The following NFASC variants were observed in gnomAD, a reference collection of about 807,000 sequenced individuals.
NFASC encodes the protein neurofascin homolog.
In NFASC, 43 loss-of-function variants were observed where a neutral mutation model predicts 147.5. The observed-to-expected ratio is 0.29, with a 90% CI of 0.23 to 0.38. The LOEUF (loss-of-function observed/expected upper bound fraction) is 0.38. Among genes scored for constraint, NFASC ranks in the 10% least tolerant of loss-of-function variants. The probability of loss-of-function intolerance (pLI) is 1.00; values close to 1 mark genes in which losing one functional copy is unlikely to be tolerated. For missense variants in NFASC, 1,320 were observed against 1,689.0 expected (o/e 0.78, Z 3.83); for synonymous variants, 622 against 665.5 (o/e 0.93, Z 1.01).
intron 1 of NFASC, among the ~76,000 whole-genome samples, chr1:204,902,414 G>A (rs1218674345): frequency 2.0e-5 from 3 of 152,166 alleles, no homozygotes; most frequent in Non-Finnish European, 2.9e-5. Flanking sequence ...AAAATAAAAA[G>A]ACATTTATGA....
Position 204,954,482 on chromosome 1 carries a change from G to A in NFASC, c.412+98G>A. ...TCCAGAAGGGCTGCCCCTGCCCTTG[G>A]CCTGCAGTTGCCTTGGTGTTCTCTA... On this transcript the variant is annotated intron_variant, in intron 6 of 29. Transcript: ENST00000339876. This position sits in a 1 kb window ranked among gnomAD's most constrained non-coding sequence, Gnocchi z 5.7. The A allele has an allele frequency of 9.1e-7, 1 of 1,101,088 alleles. No individual in the cohort carries two copies. Among genetic ancestry groups the A allele is most frequent in the Non-Finnish European group, 1.3e-6 (1 of 770,556 alleles). 68.2% of individuals were successfully genotyped at this position (1,101,088 alleles called of 1,614,324 possible). A position where few individuals can be genotyped will look rare whatever the true frequency, so the allele number is the denominator to read the frequency against.
chr1:204,955,991 G>A (rs1315784102), intron 7 of NFASC, among the ~76,000 whole-genome samples: 1 of 152,172 alleles, frequency 6.6e-6, no homozygotes, highest in Non-Finnish European at 1.5e-5. Context: ...TTATGGGGAA[G>A]GCTGCCTGGC....
chr1:204,999,621 C>T (rs541060014), intron 25 of NFASC: 1 of 152,278 alleles, frequency 6.6e-6, no homozygotes, highest in South Asian at 2.1e-4. Context: ...CTACCTTCTC[C>T]CCTCCCCACG....
intron 1 of NFASC, among the ~76,000 whole-genome samples, chr1:204,919,805 C>G (rs1209648570): frequency 1.3e-5 from 2 of 151,902 alleles, no homozygotes; most frequent in African/African-American, 4.8e-5. Flanking sequence ...TTTTAGTAGA[C>G]ACAGGGTTTC....
At chr1:205,007,796 G>A (rs530401581) in intron 27 of NFASC, among the ~76,000 whole-genome samples, 16 of 152,256 alleles carry the variant, frequency 1.1e-4, no homozygotes, top group African/African-American at 3.4e-4. Flanking sequence ...AGATGGCCAG[G>A]GCCTGCTCTG....
Position 204,987,239 on chromosome 1 carries a change from C to T in NFASC, c.2471-179C>T. On this transcript the variant is annotated intron_variant, in intron 21 of 29. Transcript: ENST00000339876. This position sits in a 1 kb window ranked among gnomAD's most constrained non-coding sequence, Gnocchi z 4.4. ...CCTCAGACCTGAAGGAAATAGCATC[C>T]TGGATGGGGCAATGGGCTCCGGTCG... The T allele has an allele frequency of 3.3e-6, 2 of 606,468 alleles. No homozygotes were observed. Among genetic ancestry groups the T allele is most frequent in the Non-Finnish European group, 5.8e-6 (2 of 342,726 alleles). 37.6% of individuals were successfully genotyped at this position (606,468 alleles called of 1,614,324 possible).
At chr1:204,962,151 G>A in intron 8 of NFASC, 1 of 1,612,786 alleles carries the variant, frequency 6.2e-7, no homozygotes, top group South Asian at 1.1e-5. Flanking sequence ...ACCCTGACAT[G>A]TACAGTGGTG....
At chr1:204,978,846 G>T in intron 17 of NFASC, 122 bp from the exon 18 acceptor site, 1 of 705,466 alleles carries the variant, frequency 1.4e-6, no homozygotes, top group East Asian at 2.7e-5. Context: ...CCTCAGGGCA[G>T]GCTGGGGTTG....
intron 8 of NFASC, among the ~76,000 whole-genome samples, chr1:204,967,077 A>G (rs1051371347): frequency 3.3e-5 from 5 of 152,086 alleles, no homozygotes; most frequent in Non-Finnish European, 7.4e-5. Context: ...TCCTCACCCC[A>G]GGTGTCTCTG....
intron 1 of NFASC, among the ~76,000 whole-genome samples, chr1:204,908,726 T>G (rs1234244407): frequency 6.6e-6 from 1 of 152,144 alleles, no homozygotes; most frequent in Non-Finnish European, 1.5e-5. Flanking sequence ...CCTTAACCCC[T>G]GGCACCCATT....
At chr1:204,983,883 CT>C (rs769418837) in intron 21 of NFASC, 19 of 603,880 alleles carry the variant, frequency 3.1e-5, no homozygotes, top group Non-Finnish European at 5.2e-5. Context: ...TTTTCAAGTA[CT>C]GTCTCATGGA....
At chr1:204,997,529 C>G (rs1330539298) in intron 25 of NFASC, 123 bp downstream of exon 25, 1 of 1,099,908 alleles carries the variant, frequency 9.1e-7, no homozygotes, top group Admixed American at 2.0e-5. Flanking sequence ...CACCACCTCC[C>G]TTTGTGTTTC....
chr1:204,838,430 A>G (rs967282794), intron 1 of NFASC, among the ~76,000 whole-genome samples: 4 of 152,164 alleles, frequency 2.6e-5, no homozygotes, highest in African/African-American at 9.7e-5. Flanking sequence ...GCTGAATCCA[A>G]ACTGAAGTCT....
chr1:205,002,666 C>T lies in NFASC; in HGVS notation c.3207C>T (p.Pro1069=), dbSNP rs538088087. ...AQPIQLTDLY[P]GMTYTLRVYS... ...CTATACAGCTGACAGACCTCTATCC[C>T]GGGATGACATACACGTTGCGGGTTT... is the stretch of plus-strand genomic sequence containing the variant. Residue 1069 remains proline (P), a synonymous_variant, in exon 27 of 30, where the codon CCC becomes CCT. Transcript: ENST00000339876. 5.5e-5 allele frequency: 88 copies of T among 1,587,914 alleles called. No individual in the cohort carries two copies. The highest frequency in any genetic ancestry group is 2.8e-4 in the African/African-American group (21 of 74,598).
At chr1:204,849,304 A>G (rs1323838699) in intron 1 of NFASC, among the ~76,000 whole-genome samples, 1 of 152,230 alleles carries the variant, frequency 6.6e-6, no homozygotes, top group African/African-American at 2.4e-5. Context: ...AGCGAATACC[A>G]TCACCATCAA....
intron 1 of NFASC, among the ~76,000 whole-genome samples, chr1:204,894,014 A>G (rs1245443635): frequency 6.6e-6 from 1 of 152,224 alleles, no homozygotes; most frequent in Non-Finnish European, 1.5e-5. Flanking sequence ...GACTTCAGTT[A>G]TAAAGGACCC....
At chr1:204,948,041 A>G (rs1377446043) in intron 3 of NFASC, among the ~76,000 whole-genome samples, 1 of 152,130 alleles carries the variant, frequency 6.6e-6, no homozygotes, top group Non-Finnish European at 1.5e-5. Context: ...CACACACCTC[A>G]ATCACACGCA....
At chr1:204,863,480 T>A (rs1186271573) in intron 1 of NFASC, among the ~76,000 whole-genome samples, 2 of 152,332 alleles carry the variant, frequency 1.3e-5, no homozygotes, top group Non-Finnish European at 2.9e-5. Flanking sequence ...TACAACTCAG[T>A]TACATTTAGT....
chr1:204,893,983 G>C (rs552526302), intron 1 of NFASC, among the ~76,000 whole-genome samples: 2 of 152,208 alleles, frequency 1.3e-5, no homozygotes, highest in East Asian at 3.8e-4. Context: ...CTGGATGTAG[G>C]TGCTTTCAGA....
Sources: gnomAD v4.1 joint callset for allele counts (sites outside exome capture counted in the v4.1 genomes callset) on GRCh38, gnomAD v4.1.1 for gene constraint, Gnocchi (gnomAD v3.1) non-coding constraint, MANE v1.5 for transcripts, NCBI Gene and HGNC (gene_info 2026-07-23, HGNC 2026-07-21) for gene names.